The following GRM8 variants were observed in gnomAD, a reference collection of about 807,000 sequenced individuals.
The protein encoded by GRM8 is glutamate metabotropic receptor 8, also known as metabotropic glutamate receptor 8.
GRM8 carries 47 observed loss-of-function variants against 87.2 expected under a neutral mutation model. That is an observed-to-expected ratio of 0.54 (90% CI 0.43 to 0.69). The LOEUF (loss-of-function observed/expected upper bound fraction) is 0.69, where lower values mean the gene tolerates loss of function less well. Ranked by LOEUF, GRM8 falls within the 30% of genes least tolerant of loss-of-function variation. The pLI is 0.00. For synonymous variants in GRM8, 396 were observed against 404.5 expected (o/e 0.98, Z 0.25); for missense variants, 1,019 against 1,139.2 (o/e 0.89, Z 1.52).
intron 7 of GRM8, among the ~76,000 whole-genome samples, chr7:126,643,513 T>C (rs542315989): frequency 9.4e-5 from 13 of 138,072 alleles, no homozygotes; most frequent in African/African-American, 3.0e-4. Context: ...CATGTATATG[T>C]ATAGCTATTA....
intron 3 of GRM8, chr7:127,080,793 G>T (rs965767159): frequency 6.6e-6 from 1 of 152,208 alleles, no homozygotes; most frequent in East Asian, 1.9e-4. Context: ...AAGGGTAGAA[G>T]CACAGAACAG....
intron 3 of GRM8, among the ~76,000 whole-genome samples, chr7:126,957,118 G>C (rs995381678): frequency 1.3e-5 from 2 of 152,058 alleles, no homozygotes; most frequent in Non-Finnish European, 2.9e-5. Context: ...CATAGATGCT[G>C]CAATGTATCT....
At chr7:126,644,034 A>T (rs914085673) in intron 7 of GRM8, among the ~76,000 whole-genome samples, 1 of 152,268 alleles carries the variant, frequency 6.6e-6, no homozygotes, top group Non-Finnish European at 1.5e-5. Flanking sequence ...GAAATCATGT[A>T]CATTTAATGT....
intron 6 of GRM8, among the ~76,000 whole-genome samples, chr7:126,781,914 T>C (rs1820117719): frequency 6.6e-6 from 1 of 152,044 alleles, no homozygotes; most frequent in African/African-American, 2.4e-5. Context: ...TGGGGTCTCC[T>C]CATATTTCCC....
chr7:126,739,436 T>C (rs4731328), intron 7 of GRM8, among the ~76,000 whole-genome samples: 58,981 of 151,332 alleles, frequency 0.39, 12,612 homozygotes, highest in Non-Finnish European at 0.48. Context: ...ACACACCACA[T>C]ACAAAACATA....
intron 6 of GRM8, among the ~76,000 whole-genome samples, chr7:126,873,926 G>A (rs1005535367): frequency 2.0e-5 from 3 of 152,032 alleles, no homozygotes; most frequent in Non-Finnish European, 4.4e-5. Context: ...TCAATATTTT[G>A]TAAATATTTT....
chr7:127,043,298 C>A (rs1818608046), intron 3 of GRM8, among the ~76,000 whole-genome samples: 2 of 152,242 alleles, frequency 1.3e-5, no homozygotes, highest in South Asian at 2.1e-4. Context: ...TCATGCTGCT[C>A]TAAAGACACA....
At chr7:126,931,740 A>G (rs1425476107) in intron 3 of GRM8, among the ~76,000 whole-genome samples, 1 of 152,244 alleles carries the variant, frequency 6.6e-6, no homozygotes, top group Non-Finnish European at 1.5e-5. Context: ...AATGTGAGTT[A>G]CTAATGAGTC....
chr7:126,829,487 G>C (rs1343227875), intron 6 of GRM8, among the ~76,000 whole-genome samples: 3 of 141,652 alleles, frequency 2.1e-5, no homozygotes, highest in Admixed American at 7.2e-5. Flanking sequence ...GATCTTTGTT[G>C]GTTTAAAGTC....
chr7:126,450,785 C>T (rs1185202460), intron 9 of GRM8, among the ~76,000 whole-genome samples: 3 of 151,904 alleles, frequency 2.0e-5, no homozygotes, highest in Non-Finnish European at 4.4e-5. Context: ...GCTTTGCTGG[C>T]TGAGCCTGAA....
At chr7:126,477,725 G>T (rs1265978872) in intron 9 of GRM8, among the ~76,000 whole-genome samples, 1 of 151,612 alleles carries the variant, frequency 6.6e-6, no homozygotes, top group Non-Finnish European at 1.5e-5. Context: ...AGGAAAGAAG[G>T]AAAGGAGGGA....
intron 6 of GRM8, among the ~76,000 whole-genome samples, chr7:126,867,187 AT>A (rs1416313854): frequency 6.6e-6 from 1 of 152,100 alleles, no homozygotes; most frequent in Non-Finnish European, 1.5e-5. Flanking sequence ...TATTGTGGCA[AT>A]TTTGATATAA....
At chr7:126,947,572 G>A (rs1807679120) in intron 3 of GRM8, among the ~76,000 whole-genome samples, 1 of 151,710 alleles carries the variant, frequency 6.6e-6, no homozygotes, top group South Asian at 2.1e-4. Flanking sequence ...ATATATGTAT[G>A]TGTATATATA....
intron 6 of GRM8, among the ~76,000 whole-genome samples, chr7:126,844,935 T>C (rs1796585118): frequency 6.6e-6 from 1 of 152,232 alleles, no homozygotes. Flanking sequence ...TGAACTTATT[T>C]GTGAGAGAGG....
intron 8 of GRM8, among the ~76,000 whole-genome samples, chr7:126,570,868 A>T (rs1344103212): frequency 6.6e-6 from 1 of 152,154 alleles, no homozygotes; most frequent in Non-Finnish European, 1.5e-5. Context: ...GAGATCCCCA[A>T]ACCTTGGCTT....
intron 7 of GRM8, among the ~76,000 whole-genome samples, chr7:126,743,514 G>A (rs889411418): frequency 1.3e-5 from 2 of 152,082 alleles, no homozygotes; most frequent in African/African-American, 4.8e-5. Flanking sequence ...AAAAGAATAT[G>A]CACCTGGAGC....
At chr7:126,764,207 G>C (rs1817946416) in intron 7 of GRM8, among the ~76,000 whole-genome samples, 1 of 151,890 alleles carries the variant, frequency 6.6e-6, no homozygotes, top group Non-Finnish European at 1.5e-5. Context: ...AAAACTGATA[G>C]AATATTAATA....
chr7:126,839,333 A>G (rs938603047), intron 6 of GRM8, among the ~76,000 whole-genome samples: 1 of 152,156 alleles, frequency 6.6e-6, no homozygotes, highest in Non-Finnish European at 1.5e-5. Context: ...TCCCTGATCT[A>G]ATGAATTAGG....
chr7:126,569,079 TA>T (rs1794478810), intron 8 of GRM8, among the ~76,000 whole-genome samples: 1 of 152,190 alleles, frequency 6.6e-6, no homozygotes, highest in Admixed American at 6.6e-5. Context: ...TCCACTCTAT[TA>T]TACTTCTTCA....
Sources: allele counts gnomAD v4.1 joint callset (sites outside exome capture counted in the v4.1 genomes callset), GRCh38; gene constraint gnomAD v4.1.1; transcripts MANE v1.5; gene names NCBI Gene and HGNC (gene_info 2026-07-23, HGNC 2026-07-21).